The following ROR1 variants were observed in gnomAD, a reference collection of about 807,000 sequenced individuals.
ROR1 encodes the protein inactive tyrosine-protein kinase transmembrane receptor ROR1.
A neutral mutation model predicts 78.8 loss-of-function variants in ROR1; 19 were observed. The observed-to-expected ratio is 0.24, with a 90% confidence interval of 0.17 to 0.35. The LOEUF (loss-of-function observed/expected upper bound fraction) is 0.35. ROR1 is among the 10% of genes least tolerant of loss of function. The pLI, the probability that ROR1 is intolerant of heterozygous loss-of-function variation, is 1.00. For synonymous variants in ROR1, 386 were observed against 433.6 expected (o/e 0.89, Z 1.36); for missense variants, 917 against 1,177.8 (o/e 0.78, Z 3.24).
chr1:63,998,069 T>C (rs1011111826), intron 1 of ROR1, among the ~76,000 whole-genome samples: 1 of 152,158 alleles, frequency 6.6e-6, no homozygotes, highest in East Asian at 1.9e-4. Context: ...AACACAAAGC[T>C]GACACCTTTC....
intron 1 of ROR1, among the ~76,000 whole-genome samples, chr1:63,973,285 C>T (rs1180193896): frequency 6.6e-6 from 1 of 152,154 alleles, no homozygotes; most frequent in Non-Finnish European, 1.5e-5. Context: ...AGATGACAAG[C>T]AGAGATCTCT....
At chr1:64,103,090 A>G (rs181850584) in intron 4 of ROR1, among the ~76,000 whole-genome samples, 1 of 152,302 alleles carries the variant, frequency 6.6e-6, no homozygotes, top group Admixed American at 6.5e-5. Flanking sequence ...AAGTTTGAAC[A>G]ATAGGAAACA....
At chr1:63,957,020 C>A (rs1645987878) in intron 1 of ROR1, among the ~76,000 whole-genome samples, 1 of 152,174 alleles carries the variant, frequency 6.6e-6, no homozygotes, top group Admixed American at 6.5e-5. Context: ...TAAGCCCTGG[C>A]ATCTGGACTT....
At chr1:64,167,151 A>G (rs1282960782) in intron 8 of ROR1, among the ~76,000 whole-genome samples, 1 of 152,166 alleles carries the variant, frequency 6.6e-6, no homozygotes, top group Non-Finnish European at 1.5e-5. Context: ...ATTTGCCTCT[A>G]CTGCCTTTAT....
intron 7 of ROR1, among the ~76,000 whole-genome samples, chr1:64,154,128 A>C: frequency 6.6e-6 from 1 of 151,620 alleles, no homozygotes; most frequent in East Asian, 1.9e-4. Context: ...CCTATTCAGC[A>C]TTTTTTTTTA....
At chr1:64,158,102 A>C (rs955332496) in intron 7 of ROR1, among the ~76,000 whole-genome samples, 20 of 152,214 alleles carry the variant, frequency 1.3e-4, no homozygotes, top group Non-Finnish European at 1.3e-4. Context: ...ATTTGGTTTC[A>C]ATGGTTAGGC....
chr1:64,142,155 T>C (rs1192376466), intron 6 of ROR1, among the ~76,000 whole-genome samples: 2 of 152,200 alleles, frequency 1.3e-5, no homozygotes, highest in African/African-American at 2.4e-5. Flanking sequence ...ATGTTAGAAA[T>C]ACTTTTGGAA....
intron 1 of ROR1, among the ~76,000 whole-genome samples, chr1:63,871,887 T>C (rs1439289738): frequency 6.6e-6 from 1 of 152,214 alleles, no homozygotes; most frequent in Non-Finnish European, 1.5e-5. Flanking sequence ...TAAGTCATTA[T>C]AGTTTTAATG....
rs200785093 is a variant in ROR1 at position 63,951,708 on chromosome 1, A to AC, written c.92-57589dup. 6.7e-3 allele frequency among the ~76,000 whole-genome samples: 991 copies of AC among 148,816 alleles called. 12 individuals are homozygous for AC. The highest frequency in any genetic ancestry group is 0.022 in the African/African-American group (871 of 40,292). On this transcript the variant is annotated intron_variant, in intron 1 of 8. Coordinates refer to ENST00000371079, the MANE Select transcript of ROR1 (RefSeq NM_005012.4). Reference sequence around the variant, plus strand: ...TGCATTTGTAATTTCTCTTAAAGACACCCCCCCCTCACCACCAGCCCACAT... The same window carrying AC: ...TGCATTTGTAATTTCTCTTAAAGACACCCCCCCCCTCACCACCAGCCCACAT...
chr1:63,968,003 GT>G (rs1243317253), intron 1 of ROR1, among the ~76,000 whole-genome samples: 6 of 152,120 alleles, frequency 3.9e-5, no homozygotes, highest in African/African-American at 1.4e-4. Flanking sequence ...CTTACATTTT[GT>G]TTCCTTTAAG....
At chr1:63,858,833 A>T (rs1033679776) in intron 1 of ROR1, among the ~76,000 whole-genome samples, 2 of 152,152 alleles carry the variant, frequency 1.3e-5, no homozygotes, top group Non-Finnish European at 2.9e-5. Context: ...ATCTCCCACT[A>T]TACTAAGTGT....
At chr1:64,015,972 C>T (rs1646517514) in intron 2 of ROR1, among the ~76,000 whole-genome samples, 1 of 152,162 alleles carries the variant, frequency 6.6e-6, no homozygotes, top group African/African-American at 2.4e-5. Flanking sequence ...CAGTCTCTAG[C>T]ATATATAGGT....
At position 63,883,435 on chromosome 1, in the gene ROR1, C is replaced by A. The variant is rs145400216; in HGVS notation, c.91+108927C>A. Among the ~76,000 whole-genome samples, 256 of 152,118 alleles carry A rather than the reference C, an allele frequency of 1.7e-3. 3 individuals carry two copies. Among genetic ancestry groups the A allele is most frequent in the African/African-American group, 6.0e-3 (249 of 41,504 alleles). On this transcript the variant is annotated intron_variant, in intron 1 of 8. Coordinates refer to ENST00000371079, the MANE Select transcript of ROR1 (RefSeq NM_005012.4). Reference sequence around the variant, plus strand: ...TCTCTTTTTATTTTTTTAACATCTCCTTCCTCTGTTTTCTGGGCCACTCAC... The same window carrying A: ...TCTCTTTTTATTTTTTTAACATCTCATTCCTCTGTTTTCTGGGCCACTCAC...
chr1:63,786,321 G>A (rs1195350486), intron 1 of ROR1, among the ~76,000 whole-genome samples: 1 of 129,238 alleles, frequency 7.7e-6, no homozygotes, highest in Admixed American at 1.0e-4. Flanking sequence ...CGCCCAGGCT[G>A]GAGTGCAGTG....
In ROR1 at chr1:64,179,089, G is replaced by A. The variant is rs1261519525; in HGVS notation, c.*234G>A. ...TGTGGGATGTGCACTCCATTGGAGT[G>A]CATGACATGGCATTGGGATTGGAAC... is the stretch of plus-strand genomic sequence containing the variant. On this transcript the variant is annotated 3_prime_UTR_variant, in exon 9 of 9. Coordinates refer to ENST00000371079, the MANE Select transcript of ROR1 (RefSeq NM_005012.4). The A allele has an allele frequency of 2.4e-6, 1 of 409,932 alleles. No individual in the cohort carries two copies. The highest frequency in any genetic ancestry group is 4.1e-5 in the South Asian group (1 of 24,536). 25.4% of individuals were successfully genotyped at this position (409,932 alleles called of 1,614,324 possible). A position where few individuals can be genotyped will look rare whatever the true frequency, so the allele number is the denominator to read the frequency against.
At chr1:64,153,515 G>A (rs575331137) in intron 7 of ROR1, among the ~76,000 whole-genome samples, 2 of 152,288 alleles carry the variant, frequency 1.3e-5, no homozygotes, top group African/African-American at 4.8e-5. Context: ...ATGTCCATCA[G>A]TGGATGAATG....
chr1:63,958,723 T>C (rs546583551), intron 1 of ROR1, among the ~76,000 whole-genome samples: 2 of 152,314 alleles, frequency 1.3e-5, no homozygotes, highest in East Asian at 3.9e-4. Context: ...ATGTAGTTTT[T>C]ACCCTTAGGA....
chr1:63,910,468 T>C (rs1569895772), intron 1 of ROR1, among the ~76,000 whole-genome samples: 2 of 152,096 alleles, frequency 1.3e-5, no homozygotes, highest in Admixed American at 6.5e-5. Context: ...CAGGGCCTTA[T>C]AGGGATGAAA....
At chr1:64,143,431 CT>C in intron 7 of ROR1, 1 of 974,354 alleles carries the variant, frequency 1.0e-6, no homozygotes, top group Non-Finnish European at 1.2e-6. Flanking sequence ...ACTAATTCAT[CT>C]TCCTGATCCT....
Sources: gnomAD v4.1 joint callset for allele counts (sites outside exome capture counted in the v4.1 genomes callset) on GRCh38, gnomAD v4.1.1 for gene constraint, MANE v1.5 for transcripts, NCBI Gene and HGNC (gene_info 2026-07-23, HGNC 2026-07-21) for gene names.